Variants in ZNF469 observed in about 807,000 individuals in gnomAD.
The protein encoded by ZNF469 is zinc finger protein 469.
Under a neutral mutation model 1.0 loss-of-function variants are expected in ZNF469, and 1 was observed. That is an observed-to-expected ratio of 1.00 (90% CI 0.35 to 4.73). ZNF469 has a LOEUF of 4.73. Ranked by LOEUF, ZNF469 falls within the 30% of genes most tolerant of loss-of-function variation. The pLI, the probability that ZNF469 is intolerant of heterozygous loss-of-function variation, is 0.16. For missense variants in ZNF469, 6,100 were observed against 5,356.3 expected, an observed-to-expected ratio of 1.14 and a Z score of -4.33; for synonymous variants, 2,703 against 2,363.4, an observed-to-expected ratio of 1.14 and a Z score of -4.17.
the ZNF469 span, among the ~76,000 whole-genome samples, chr16:88,244,311 G>C: frequency 6.6e-6 from 1 of 151,682 alleles, no homozygotes; most frequent in East Asian, 2.0e-4. Flanking sequence ...GTGAGTGGAT[G>C]GTTGGATGGA....
the ZNF469 span, among the ~76,000 whole-genome samples, chr16:88,314,957 A>T: frequency 2.0e-5 from 3 of 147,530 alleles, no homozygotes; most frequent in East Asian, 4.2e-4. Context: ...TAATTCAGGC[A>T]GTGCTGGTGT....
chr16:88,267,180 C>T, the ZNF469 span, among the ~76,000 whole-genome samples: 5 of 152,374 alleles, frequency 3.3e-5, no homozygotes, highest in African/African-American at 1.2e-4. Context: ...CCGTGTCACT[C>T]ATCTGCCCCT....
At chr16:88,380,961 C>T (rs1490981858), upstream of ZNF469, among the ~76,000 whole-genome samples, 9 of 147,040 alleles carry the variant, frequency 6.1e-5, no homozygotes, top group African/African-American at 2.3e-4. Flanking sequence ...CCCTCACACA[C>T]AGACATGCAC....
At chr16:88,292,933 A>T in the ZNF469 span, among the ~76,000 whole-genome samples, 4 of 152,116 alleles carry the variant, frequency 2.6e-5, no homozygotes, top group Admixed American at 6.5e-5. Context: ...CACGATCCTG[A>T]CAGTTTCCAC....
At chr16:88,116,260 C>A in the ZNF469 span, among the ~76,000 whole-genome samples, 1 of 152,170 alleles carries the variant, frequency 6.6e-6, no homozygotes, top group South Asian at 2.1e-4. Flanking sequence ...CGCACTGAGA[C>A]CACAGGCAGG....
the ZNF469 span, among the ~76,000 whole-genome samples, chr16:88,201,892 A>G: frequency 6.6e-6 from 1 of 152,054 alleles, no homozygotes; most frequent in Non-Finnish European, 1.5e-5. This position sits in a 1 kb window ranked among gnomAD's most constrained non-coding sequence, Gnocchi z 5.0. Flanking sequence ...TGATTCGATA[A>G]CCCACAGGTG....
upstream of ZNF469, among the ~76,000 whole-genome samples, chr16:88,381,608 C>A (rs2092525607): frequency 1.3e-5 from 2 of 152,260 alleles, no homozygotes; most frequent in African/African-American, 4.8e-5. Flanking sequence ...TTTCTTAGTT[C>A]TTCCCCATTT....
chr16:88,179,142 T>G, the ZNF469 span, among the ~76,000 whole-genome samples: 111 of 152,272 alleles, frequency 7.3e-4, no homozygotes, highest in African/African-American at 2.6e-3. Flanking sequence ...GTGTAAGCAT[T>G]GCCTGGTGCT....
At chr16:88,227,988 G>A in the ZNF469 span, among the ~76,000 whole-genome samples, 6 of 152,188 alleles carry the variant, frequency 3.9e-5, no homozygotes, top group Non-Finnish European at 7.3e-5. Context: ...GCCAGGCTCC[G>A]CATCCATCGT....
Position 88,435,758 on chromosome 16 carries a change from C to T in ZNF469, c.8288C>T (p.Ala2763Val), listed in dbSNP as rs1222127304. 1.3e-6 allele frequency: 2 copies of T among 1,550,744 alleles called. No homozygotes were observed. The highest frequency in any genetic ancestry group is 2.4e-5 in the East Asian group (1 of 40,910). ...RGFWGPRETK[A>V]LGVCKESGSE... ...TTCTGGGGACCAAGAGAGACCAAGG[C>T]GTTGGGTGTGTGCAAAGAGTCTGGG... The change falls in exon 3 of 3, where the codon GCG becomes GTG. Residue 2763 changes from alanine to valine, a missense_variant. By Grantham distance (64) the Ala-to-Val change is moderately conservative. Coordinates refer to ENST00000565624, the MANE Select transcript of ZNF469 (RefSeq NM_001367624.2).
the ZNF469 span, among the ~76,000 whole-genome samples, chr16:88,288,993 G>T: frequency 6.6e-6 from 1 of 152,190 alleles, no homozygotes; most frequent in African/African-American, 2.4e-5. Context: ...TGGTGGTGAT[G>T]ATGGTGGTGG....
the ZNF469 span, among the ~76,000 whole-genome samples, chr16:88,365,803 A>AG: frequency 6.6e-6 from 1 of 152,112 alleles, no homozygotes; most frequent in Non-Finnish European, 1.5e-5. Context: ...AGGGAGTCCA[A>AG]GGGTTCCATT....
the ZNF469 span, among the ~76,000 whole-genome samples, chr16:88,284,110 C>T: frequency 7.7e-6 from 1 of 129,114 alleles, no homozygotes; most frequent in Non-Finnish European, 1.6e-5. Flanking sequence ...CCCGAGTGTG[C>T]CTGAGGTCTG....
At chr16:88,231,217 G>A in the ZNF469 span, among the ~76,000 whole-genome samples, 1 of 152,188 alleles carries the variant, frequency 6.6e-6, no homozygotes, top group Non-Finnish European at 1.5e-5. The surrounding 1 kb of genome is among the most constrained non-coding windows in gnomAD (Gnocchi z 4.5). Context: ...CAAACGGGAG[G>A]AACAGGACCA....
the ZNF469 span, among the ~76,000 whole-genome samples, chr16:88,103,514 A>G: frequency 6.6e-6 from 1 of 152,112 alleles, no homozygotes; most frequent in Non-Finnish European, 1.5e-5. Context: ...TCACTGCCTG[A>G]GTTTGGGGGC....
chr16:88,330,468 C>T, the ZNF469 span, among the ~76,000 whole-genome samples: 5 of 152,232 alleles, frequency 3.3e-5, no homozygotes, highest in South Asian at 2.1e-4. Context: ...GTCCTTAGCA[C>T]GCATATTCCC....
the ZNF469 span, among the ~76,000 whole-genome samples, chr16:88,337,390 T>A: frequency 6.6e-6 from 1 of 152,228 alleles, no homozygotes; most frequent in Admixed American, 6.5e-5. Flanking sequence ...TCCGCCATGA[T>A]AGTGAGGCCT....
chr16:88,134,611 A>T, the ZNF469 span, among the ~76,000 whole-genome samples: 1 of 152,230 alleles, frequency 6.6e-6, no homozygotes, highest in East Asian at 1.9e-4. Flanking sequence ...AGCCAGGCGG[A>T]TGTCCAAGTA....
At chr16:88,347,707 C>T in the ZNF469 span, among the ~76,000 whole-genome samples, 6 of 152,244 alleles carry the variant, frequency 3.9e-5, no homozygotes, top group Admixed American at 6.5e-5. Flanking sequence ...AGAACCTGCA[C>T]CTCACCCCTG....
Sources: gnomAD v4.1 joint callset for allele counts (sites outside exome capture counted in the v4.1 genomes callset) on GRCh38, gnomAD v4.1.1 for gene constraint, Gnocchi (gnomAD v3.1) non-coding constraint, MANE v1.5 for transcripts, NCBI Gene and HGNC (gene_info 2026-07-23, HGNC 2026-07-21) for gene names.